Variants in DHX30 observed in about 807,000 individuals in gnomAD.
The protein encoded by DHX30 is DExH-box helicase 30.
In DHX30, 4 loss-of-function variants were observed where a neutral mutation model predicts 116.9. The observed-to-expected ratio is 0.03, with a 90% CI of 0.02 to 0.08. The LOEUF (loss-of-function observed/expected upper bound fraction) is 0.08, where lower values mean the gene tolerates loss of function less well. Ranked by LOEUF, DHX30 falls within the 10% of genes least tolerant of loss-of-function variation. DHX30 has a pLI of 1.00. For missense variants in DHX30, 871 were observed against 1,595.1 expected, an observed-to-expected ratio of 0.55 and a Z score of 7.73; for synonymous variants, 697 against 651.7, an observed-to-expected ratio of 1.07 and a Z score of -1.06.
chr3:47,804,459 G>T (rs1028965701), intron 1 of DHX30, among the ~76,000 whole-genome samples: 1 of 152,166 alleles, frequency 6.6e-6, no homozygotes, highest in Non-Finnish European at 1.5e-5. Flanking sequence ...GGAGGCTGAG[G>T]CAAGAGAATT....
chr3:47,822,860 A>C (rs2036359666), intron 4 of DHX30, among the ~76,000 whole-genome samples: 2 of 151,784 alleles, frequency 1.3e-5, no homozygotes, highest in Non-Finnish European at 2.9e-5. Flanking sequence ...TTGAGAGGCC[A>C]AGGAAGGCGA....
In DHX30 at chr3:47,847,592, C is replaced by G; in HGVS notation, c.2110+56C>G. 4 of 1,505,102 alleles carry G rather than the reference C, an allele frequency of 2.7e-6. No individual in the cohort carries two copies. Among genetic ancestry groups the G allele is most frequent in the Non-Finnish European group, 3.6e-6 (4 of 1,120,192 alleles). The allele number at this position is 1,505,102 out of a possible 1,614,324, so 93.2% of individuals were successfully genotyped here. A position where few individuals can be genotyped will look rare whatever the true frequency, so the allele number is the denominator to read the frequency against. On this transcript the variant is annotated intron_variant, in intron 13 of 21. Transcript: ENST00000445061. The surrounding 1 kb of genome is among the most constrained non-coding windows in gnomAD (Gnocchi z 5.5). ...TTTGGAAACCAGCCTGACCTCTGTC[C>G]TAGGGACTGACCCAACTGGGACTCC...
intron 9 of DHX30, 28 bp downstream of exon 9, chr3:47,843,283 T>G: frequency 6.2e-7 from 1 of 1,611,828 alleles, no homozygotes. Flanking sequence ...CTGGGTGTGG[T>G]GCATGAGAAT....
At chr3:47,837,691 G>A (rs779298006) in intron 6 of DHX30, among the ~76,000 whole-genome samples, 5 of 152,222 alleles carry the variant, frequency 3.3e-5, no homozygotes, top group Non-Finnish European at 7.3e-5. Context: ...AACCTGGCAG[G>A]CAGAGGTTGC....
chr3:47,841,467 G>A, intron 7 of DHX30, 150 bp from the exon 8 acceptor site: 1 of 1,108,176 alleles, frequency 9.0e-7, no homozygotes, highest in East Asian at 2.5e-5. Context: ...TGTGGGAGGA[G>A]CAGAGACGCC....
chr3:47,809,794 A>G (rs1378278193), intron 2 of DHX30, among the ~76,000 whole-genome samples: 2 of 152,168 alleles, frequency 1.3e-5, no homozygotes. Flanking sequence ...ACTCCAATCA[A>G]TGTTGGACAT....
chr3:47,811,712 G>A (rs768242279), intron 3 of DHX30, among the ~76,000 whole-genome samples: 8 of 152,090 alleles, frequency 5.3e-5, no homozygotes, highest in African/African-American at 1.7e-4. Context: ...GGGAGCAGGC[G>A]TGTCACGTGG....
rs2037354211 is a variant in DHX30, at chr3:47,841,111, A to G, written c.601A>G (p.Thr201Ala). ...EDEEEELEEG[T>A]IDVTDFLSMT... is the part of the protein sequence containing the mutation. Reference sequence around the variant, plus strand: ...CGAGGAGGAAGAGCTAGAAGAAGGGACCATAGATGTTACCGACTTCTTGTC... The same window carrying G: ...CGAGGAGGAAGAGCTAGAAGAAGGGGCCATAGATGTTACCGACTTCTTGTC... Residue 201 changes from threonine (T) to alanine (A), a missense_variant, in exon 7 of 22, where the codon ACC becomes GCC. Transcript: ENST00000445061. The G allele has an allele frequency of 6.2e-7, 1 of 1,614,138 alleles. No individual in the cohort carries two copies.
intron 4 of DHX30, chr3:47,824,804 C>T (rs1201991716): frequency 1.5e-5 from 6 of 405,518 alleles, no homozygotes; most frequent in Non-Finnish European, 2.2e-5. Context: ...CACACGACTG[C>T]TGGTTTAGAT....
intron 6 of DHX30, among the ~76,000 whole-genome samples, chr3:47,837,027 T>A (rs1448041571): frequency 6.6e-6 from 1 of 152,242 alleles, no homozygotes; most frequent in African/African-American, 2.4e-5. Flanking sequence ...CAAAGGGGAC[T>A]GAGTCAGCAG....
rs2037775062 is a variant in DHX30, at chr3:47,848,885, G to A, written c.2770-35G>A. 1.9e-6 allele frequency: 3 copies of A among 1,596,992 alleles called. No homozygotes were observed. Among genetic ancestry groups the A allele is most frequent in the Non-Finnish European group, 1.7e-6 (2 of 1,167,714 alleles). ...TCTGAGGGGGCGTTGTCTAGCCCCT[G>A]CCTGTGATCCGGCTGCCCTCTTCTC... On this transcript the variant is annotated intron_variant, in intron 17 of 21. Transcript: ENST00000445061. This position sits in a 1 kb window ranked among gnomAD's most constrained non-coding sequence, Gnocchi z 9.4.
intron 1 of DHX30, among the ~76,000 whole-genome samples, chr3:47,804,539 G>A (rs1184252723): frequency 6.6e-6 from 1 of 152,200 alleles, no homozygotes; most frequent in East Asian, 1.9e-4. Context: ...TGGGCAACAA[G>A]AGCGAAACTC....
chr3:47,846,350 G>A lies in DHX30; in HGVS notation c.1278G>A (p.Pro426=), dbSNP rs770607994. The change falls in exon 11 of 22, where the codon CCG becomes CCA. Residue 426 remains proline (P), a synonymous_variant. Transcript: ENST00000445061. ...TAGAACTGTGGCGGCGGCGAGGGCC[G>A]GTCTGGCAGGAGGCCCCCCAGCTAC... The part of the protein sequence containing the change: ...SLLELWRRRG[P]VWQEAPQLPV... The A allele has an allele frequency of 2.8e-5, 45 of 1,613,950 alleles. No homozygotes were observed. The highest frequency in any genetic ancestry group is 3.4e-5 in the Non-Finnish European group (40 of 1,180,052).
rs199921329 is a variant in DHX30 at position 47,849,663 on chromosome 3, G to T, written c.3225G>T (p.Thr1075=). 6.2e-6 allele frequency: 10 copies of T among 1,614,204 alleles called. No homozygotes were observed. The highest frequency in any genetic ancestry group is 8.5e-6 in the Non-Finnish European group (10 of 1,180,032). ...CACGGTTACGGAGCCGATGGCTGAC[G>T]TATTTCATGGCAGTCAAGTCCAATG... The part of the protein sequence containing the change: ...EATRLRSRWL[T]YFMAVKSNGS... Residue 1075 remains threonine (T), a synonymous_variant, in exon 21 of 22, where the codon ACG becomes ACT. Coordinates refer to ENST00000445061, the MANE Select transcript of DHX30 (RefSeq NM_138615.3).
chr3:47,832,513 G>A (rs1280405189), intron 6 of DHX30, among the ~76,000 whole-genome samples: 1 of 151,954 alleles, frequency 6.6e-6, no homozygotes, highest in Non-Finnish European at 1.5e-5. Flanking sequence ...TCTCTTACAG[G>A]TTCAACCATT....
intron 4 of DHX30, among the ~76,000 whole-genome samples, chr3:47,824,425 C>T (rs766966858): frequency 5.0e-4 from 76 of 152,310 alleles, no homozygotes; most frequent in African/African-American, 1.8e-3. Flanking sequence ...CTGAAGAGGT[C>T]TTCCTTGGCC....
At chr3:47,816,546 C>T (rs1320801600) in intron 3 of DHX30, 27 of 936,032 alleles carry the variant, frequency 2.9e-5, no homozygotes, top group Non-Finnish European at 3.2e-5. Context: ...TTAGTAGAGA[C>T]GGGGTTTCAC....
intron 9 of DHX30, among the ~76,000 whole-genome samples, chr3:47,844,414 C>A (rs1229868823): frequency 1.3e-5 from 2 of 152,216 alleles, no homozygotes; most frequent in East Asian, 1.9e-4. Flanking sequence ...ATGGTAGGGG[C>A]CTGTCTGGGA....
chr3:47,815,723 C>CAAAAAAAAAAAAAAAAAAAAAAA (rs11349970), intron 3 of DHX30, among the ~76,000 whole-genome samples: 4 of 20,758 alleles, frequency 1.9e-4, no homozygotes, highest in East Asian at 1.9e-3. Context: ...TAAAAAAGAG[C>CAAAAAAAAAAAAAAAAAAAAAAA]AAAAAAAAAA....
Sources: allele counts gnomAD v4.1 joint callset (sites outside exome capture counted in the v4.1 genomes callset), GRCh38; gene constraint gnomAD v4.1.1; non-coding constraint Gnocchi (gnomAD v3.1); transcripts MANE v1.5; gene names NCBI Gene and HGNC (gene_info 2026-07-23, HGNC 2026-07-21).